KIF5C: variants seen among roughly 807,000 people sequenced by gnomAD.
KIF5C encodes kinesin heavy chain isoform 5C.
A neutral mutation model predicts 125.2 loss-of-function variants in KIF5C; 18 were observed. The observed-to-expected ratio is 0.14, with a 90% CI of 0.10 to 0.21. KIF5C has a LOEUF of 0.21. Among genes scored for constraint, KIF5C ranks in the 10% least tolerant of loss-of-function variants. The pLI is 1.00. For synonymous variants in KIF5C, 405 were observed against 434.0 expected, an observed-to-expected ratio of 0.93 and a Z score of 0.83; for missense variants, 780 against 1,183.8, an observed-to-expected ratio of 0.66 and a Z score of 5.01.
chr2:148,997,638 C>T (rs983388790), intron 18 of KIF5C: 10 of 374,894 alleles, frequency 2.7e-5, no homozygotes, highest in Non-Finnish European at 3.8e-5. Flanking sequence ...GCTCTTTTGT[C>T]GGAGTTAACT....
intron 1 of KIF5C, among the ~76,000 whole-genome samples, chr2:148,893,738 AAATG>A (rs555774021): frequency 1.4e-4 from 22 of 152,302 alleles, no homozygotes; most frequent in East Asian, 3.9e-4. Context: ...ATACATGATA[AAATG>A]AATGAATGAA....
chr2:148,939,371 TTATATC>T (rs1225010771), intron 4 of KIF5C, among the ~76,000 whole-genome samples: 6 of 152,254 alleles, frequency 3.9e-5, no homozygotes, highest in East Asian at 1.9e-4. Flanking sequence ...CCAAGGTTCT[TTATATC>T]TAAGGATACA....
chr2:149,013,485 G>T (rs1558949240), intron 25 of KIF5C, among the ~76,000 whole-genome samples: 1 of 152,188 alleles, frequency 6.6e-6, no homozygotes, highest in Admixed American at 6.5e-5. Flanking sequence ...TAGTCTTTTA[G>T]CTGGGCACAT....
chr2:148,944,470 G>A (rs1682479441), intron 7 of KIF5C, among the ~76,000 whole-genome samples: 1 of 152,178 alleles, frequency 6.6e-6, no homozygotes, highest in Admixed American at 6.5e-5. Flanking sequence ...GGTAGCAAGT[G>A]TCCTTCCTTT....
At chr2:149,002,925 C>A (rs1681898837) in intron 21 of KIF5C, among the ~76,000 whole-genome samples, 1 of 152,220 alleles carries the variant, frequency 6.6e-6, no homozygotes, top group Non-Finnish European at 1.5e-5. Context: ...ATTTTCCTCA[C>A]TAGCTCCTCC....
chr2:148,971,282 G>GTCTATCTA (rs1553467775), intron 11 of KIF5C, among the ~76,000 whole-genome samples: 30 of 140,530 alleles, frequency 2.1e-4, no homozygotes, highest in African/African-American at 7.8e-4. Context: ...CTGTCTGTCT[G>GTCTATCTA]TCTGTCTGTC....
At chr2:148,911,553 G>A (rs1681339227) in intron 1 of KIF5C, among the ~76,000 whole-genome samples, 1 of 152,182 alleles carries the variant, frequency 6.6e-6, no homozygotes, top group Non-Finnish European at 1.5e-5. Flanking sequence ...AGGAAGTAGA[G>A]GCATGAGAAG....
chr2:148,984,085 A>G (rs1681312674), intron 15 of KIF5C, among the ~76,000 whole-genome samples: 1 of 152,248 alleles, frequency 6.6e-6, no homozygotes. Flanking sequence ...TTGGAATTAA[A>G]TAGCTTAAGC....
intron 11 of KIF5C, among the ~76,000 whole-genome samples, chr2:148,972,134 G>A (rs1413455516): frequency 1.3e-5 from 2 of 152,118 alleles, no homozygotes; most frequent in African/African-American, 4.8e-5. Context: ...TGTATTTTTA[G>A]TAGAGATGGT....
intron 23 of KIF5C, among the ~76,000 whole-genome samples, chr2:149,008,581 C>T (rs1255978098): frequency 2.0e-5 from 3 of 152,212 alleles, no homozygotes; most frequent in Non-Finnish European, 2.9e-5. Context: ...GATGCTCTCT[C>T]GGATGCCTGC....
At chr2:148,888,675 C>A (rs1256053532) in intron 1 of KIF5C, 1 of 151,938 alleles carries the variant, frequency 6.6e-6, no homozygotes, top group African/African-American at 2.4e-5. Context: ...GTGGCAAAAA[C>A]GCTATGATGG....
intron 24 of KIF5C, among the ~76,000 whole-genome samples, chr2:149,011,003 CTT>C (rs11400596): frequency 1.1e-4 from 16 of 145,608 alleles, no homozygotes; most frequent in Non-Finnish European, 1.2e-4. Context: ...GCTTCTTCTC[CTT>C]TTTTTTTTTT....
At chr2:148,948,387 G>T (rs1682576606) in intron 8 of KIF5C, among the ~76,000 whole-genome samples, 1 of 151,938 alleles carries the variant, frequency 6.6e-6, no homozygotes, top group East Asian at 1.9e-4. Flanking sequence ...ACTAGTACGG[G>T]CTTGTAACTT....
intron 21 of KIF5C, among the ~76,000 whole-genome samples, chr2:149,001,680 C>T (rs1281363628): frequency 6.6e-6 from 1 of 152,254 alleles, no homozygotes; most frequent in Non-Finnish European, 1.5e-5. Flanking sequence ...AGCTGCCTGG[C>T]TCCGTGCCCC....
intron 11 of KIF5C, among the ~76,000 whole-genome samples, chr2:148,966,872 G>A (rs551571965): frequency 2.0e-5 from 3 of 152,216 alleles, no homozygotes; most frequent in East Asian, 1.9e-4. Context: ...TGCAAACCCC[G>A]AAGAGGGCCC....
intron 1 of KIF5C, among the ~76,000 whole-genome samples, chr2:148,895,485 C>T (rs1216800594): frequency 6.7e-5 from 10 of 148,634 alleles, no homozygotes. Context: ...TTTTTTGGCC[C>T]TAAATGATAG....
chr2:148,881,656 C>G (rs1681358057), intron 1 of KIF5C, among the ~76,000 whole-genome samples: 1 of 152,132 alleles, frequency 6.6e-6, no homozygotes, highest in Non-Finnish European at 1.5e-5. Flanking sequence ...CCATTCTCAG[C>G]TCTTCTTCCC....
At chr2:148,899,975 T>C (rs1359525890) in intron 1 of KIF5C, among the ~76,000 whole-genome samples, 1 of 152,222 alleles carries the variant, frequency 6.6e-6, no homozygotes, top group Non-Finnish European at 1.5e-5. Context: ...TCTGCCTAAC[T>C]TTAAGCTCAG....
intron 25 of KIF5C, among the ~76,000 whole-genome samples, chr2:149,015,651 C>G (rs1682338036): frequency 6.6e-6 from 1 of 152,242 alleles, no homozygotes; most frequent in Non-Finnish European, 1.5e-5. Context: ...ATAATGCTGG[C>G]TTTGATCTTA....
Sources: gnomAD v4.1 joint callset for allele counts (sites outside exome capture counted in the v4.1 genomes callset) on GRCh38, gnomAD v4.1.1 for gene constraint, MANE v1.5 for transcripts, NCBI Gene and HGNC (gene_info 2026-07-23, HGNC 2026-07-21) for gene names.